The following SNX24 variants were observed in gnomAD, a reference collection of about 807,000 sequenced individuals.
SNX24 encodes sorting nexin-24.
A neutral mutation model predicts 28.7 loss-of-function variants in SNX24; 22 were observed. The ratio of observed to expected loss-of-function variants is 0.77; its 90% CI spans 0.55 to 1.10. The LOEUF is 1.10. SNX24 is among the 50% of genes least tolerant of loss of function. The probability of loss-of-function intolerance (pLI) is 0.00; values close to 1 mark genes in which losing one functional copy is unlikely to be tolerated. For missense variants in SNX24, 221 were observed against 201.1 expected (o/e 1.10, Z -0.60); for synonymous variants, 69 against 71.5 (o/e 0.96, Z 0.18).
chr5:123,020,129 A>G (rs1762741962), intron 5 of SNX24, among the ~76,000 whole-genome samples: 1 of 152,200 alleles, frequency 6.6e-6, no homozygotes. Context: ...TGCATGGGGG[A>G]GAGTGGTGTC....
chr5:122,973,981 C>T (rs528171974), intron 3 of SNX24, among the ~76,000 whole-genome samples: 1 of 152,286 alleles, frequency 6.6e-6, no homozygotes, highest in African/African-American at 2.4e-5. Flanking sequence ...TGCACAACAG[C>T]CTGGACTTGT....
chr5:122,935,982 G>A (rs1009713851), intron 1 of SNX24, among the ~76,000 whole-genome samples: 2 of 151,986 alleles, frequency 1.3e-5, no homozygotes, highest in African/African-American at 2.4e-5. Context: ...CTCCCCATCC[G>A]ACCTTAAAAT....
At chr5:122,974,883 G>A (rs1761105852) in intron 3 of SNX24, among the ~76,000 whole-genome samples, 1 of 152,214 alleles carries the variant, frequency 6.6e-6, no homozygotes, top group Non-Finnish European at 1.5e-5. Flanking sequence ...GGGAGCCAAT[G>A]TGTGGGTGCT....
At chr5:123,017,964 T>A (rs1011604627) in intron 5 of SNX24, among the ~76,000 whole-genome samples, 4 of 152,034 alleles carry the variant, frequency 2.6e-5, no homozygotes, top group Non-Finnish European at 5.9e-5. Flanking sequence ...GAACATTAAT[T>A]AGGTGTGAAA....
chr5:123,024,215 C>T (rs1365287362), intron 5 of SNX24, among the ~76,000 whole-genome samples: 1 of 152,186 alleles, frequency 6.6e-6, no homozygotes, highest in Non-Finnish European at 1.5e-5. Flanking sequence ...TAATAAAATT[C>T]ACCCATGACC....
At chr5:122,915,210 A>G (rs923603893) in intron 1 of SNX24, among the ~76,000 whole-genome samples, 3 of 152,028 alleles carry the variant, frequency 2.0e-5, no homozygotes, top group Admixed American at 6.6e-5. Flanking sequence ...TTTCATCTCC[A>G]TCTCCATCAT....
At chr5:122,910,221 G>C (rs1008809671) in intron 1 of SNX24, among the ~76,000 whole-genome samples, 1 of 152,178 alleles carries the variant, frequency 6.6e-6, no homozygotes, top group African/African-American at 2.4e-5. Flanking sequence ...ATGCTTTGCT[G>C]TGTGTCAGGA....
intron 1 of SNX24, among the ~76,000 whole-genome samples, chr5:122,930,983 T>C (rs577959977): frequency 1.3e-5 from 2 of 152,358 alleles, no homozygotes; most frequent in East Asian, 3.9e-4. Flanking sequence ...TTTTGTTATA[T>C]GTGCTTCAAG....
In SNX24 at chr5:122,882,497, C is replaced by T. The variant is rs185745727; in HGVS notation, c.60+36804C>T. Among the ~76,000 whole-genome samples, 5 of 152,330 alleles carry T rather than the reference C, an allele frequency of 3.3e-5. No individual in the cohort carries two copies. The East Asian group carries it at 9.6e-4, about 29-fold the overall frequency. On this transcript the variant is annotated intron_variant, in intron 1 of 6. Transcript: ENST00000261369. ...TGTCAGCCAGATTCTGGATAGAGAG[C>T]CCTCTAGGCCTTCCGGCCTTGGCAC...
chr5:123,009,495 T>A (rs549280601), downstream of SNX24, among the ~76,000 whole-genome samples: 1 of 152,380 alleles, frequency 6.6e-6, no homozygotes, highest in Non-Finnish European at 1.5e-5. Flanking sequence ...AAGTTTTTTC[T>A]TAGTGATGAC....
At chr5:122,894,684 A>C (rs1041163359) in intron 1 of SNX24, among the ~76,000 whole-genome samples, 2 of 152,244 alleles carry the variant, frequency 1.3e-5, no homozygotes, top group African/African-American at 2.4e-5. Flanking sequence ...AGAATAAGAT[A>C]TATTTTCTGC....
chr5:122,922,847 G>A (rs1758499833), intron 1 of SNX24, among the ~76,000 whole-genome samples: 1 of 151,902 alleles, frequency 6.6e-6, no homozygotes, highest in Non-Finnish European at 1.5e-5. Context: ...ATTTCATGAG[G>A]ACAGAACTCT....
chr5:122,944,206 T>A (rs550595432), intron 2 of SNX24, among the ~76,000 whole-genome samples: 1 of 152,184 alleles, frequency 6.6e-6, no homozygotes, highest in Non-Finnish European at 1.5e-5. Flanking sequence ...TCTTAGCATG[T>A]GACTTTCACA....
intron 3 of SNX24, among the ~76,000 whole-genome samples, chr5:122,973,424 G>A (rs1215016679): frequency 1.3e-5 from 2 of 152,208 alleles, no homozygotes; most frequent in Admixed American, 6.5e-5. Flanking sequence ...CCACTTTCAG[G>A]TGGTGCCTGC....
rs775822827 is a variant in SNX24 at position 122,999,901 on chromosome 5, T to C, written c.250-11T>C. On this transcript the variant is annotated splice_polypyrimidine_tract_variant and intron_variant, in intron 3 of 6. Coordinates refer to ENST00000261369, the MANE Select transcript of SNX24 (RefSeq NM_014035.4). Reference sequence around the variant, plus strand: ...CACTTCAGTTTCGAATTCTGTTTTCTGCTTTCACAGGCTGTCATTTTAGAA... The same window carrying C: ...CACTTCAGTTTCGAATTCTGTTTTCCGCTTTCACAGGCTGTCATTTTAGAA... 13 of 1,559,366 alleles carry C rather than the reference T, an allele frequency of 8.3e-6. No homozygotes were observed. In the East Asian group the frequency reaches 2.9e-4, roughly 35 times the overall value.
chr5:122,946,675 G>A (rs1758442439), intron 3 of SNX24, among the ~76,000 whole-genome samples: 2 of 152,106 alleles, frequency 1.3e-5, no homozygotes, highest in African/African-American at 4.8e-5. Flanking sequence ...GAATGCACTG[G>A]GACACTCTTT....
At chr5:122,915,658 A>C (rs10065636) in intron 1 of SNX24, among the ~76,000 whole-genome samples, 5 of 152,128 alleles carry the variant, frequency 3.3e-5, no homozygotes, top group Admixed American at 3.3e-4. Flanking sequence ...CATAGTGCAC[A>C]TCTGATCATA....
At chr5:122,950,381 G>A (rs1418808016) in intron 3 of SNX24, among the ~76,000 whole-genome samples, 5 of 152,130 alleles carry the variant, frequency 3.3e-5, no homozygotes, top group Non-Finnish European at 5.9e-5. Context: ...GATGTTTGAG[G>A]CAGAAGGGTA....
chr5:122,923,544 G>A (rs1388048735), intron 1 of SNX24, among the ~76,000 whole-genome samples: 3 of 152,016 alleles, frequency 2.0e-5, no homozygotes, highest in African/African-American at 7.3e-5. Flanking sequence ...CTATGAGGAG[G>A]GTCTTTAATT....
Sources: allele counts gnomAD v4.1 joint callset (sites outside exome capture counted in the v4.1 genomes callset), GRCh38; gene constraint gnomAD v4.1.1; transcripts MANE v1.5; gene names NCBI Gene and HGNC (gene_info 2026-07-23, HGNC 2026-07-21).